The following GHR variants were observed in gnomAD, a reference collection of about 807,000 sequenced individuals.
GHR encodes the protein GH receptor.
GHR carries 35 observed loss-of-function variants against 67.1 expected under a neutral mutation model. The ratio of observed to expected loss-of-function variants is 0.52; its 90% CI spans 0.40 to 0.69. The LOEUF is 0.69. GHR is among the 30% of genes least tolerant of loss of function. The probability of loss-of-function intolerance (pLI) is 0.00; values close to 1 mark genes in which losing one functional copy is unlikely to be tolerated. For synonymous variants in GHR, 272 were observed against 269.1 expected (o/e 1.01, Z -0.10); for missense variants, 792 against 764.6 (o/e 1.04, Z -0.42).
At chr5:42,461,258 C>G (rs1398978317) in intron 1 of GHR, among the ~76,000 whole-genome samples, 2 of 152,204 alleles carry the variant, frequency 1.3e-5, no homozygotes, top group Admixed American at 6.5e-5. Context: ...CTGTTTACCA[C>G]AGTGGACCTT....
At chr5:42,600,288 A>G (rs1332234220) in intron 2 of GHR, among the ~76,000 whole-genome samples, 1 of 152,234 alleles carries the variant, frequency 6.6e-6, no homozygotes, top group African/African-American at 2.4e-5. Flanking sequence ...CACTAGGATC[A>G]ATATCTGTAA....
intron 1 of GHR, among the ~76,000 whole-genome samples, chr5:42,556,004 G>A (rs2112438340): frequency 6.6e-6 from 1 of 152,216 alleles, no homozygotes. Context: ...TCAGGTTACG[G>A]GATTGCTGAC....
intron 1 of GHR, among the ~76,000 whole-genome samples, chr5:42,563,799 C>CA (rs887722483): frequency 2.0e-5 from 3 of 152,014 alleles, no homozygotes; most frequent in East Asian, 1.9e-4. Context: ...CAGAGTGAAA[C>CA]AAAAAAAGAA....
intron 1 of GHR, among the ~76,000 whole-genome samples, chr5:42,534,588 C>T: frequency 6.6e-6 from 1 of 151,668 alleles, no homozygotes; most frequent in African/African-American, 2.4e-5. Context: ...GGGTTGGTTC[C>T]ATGATTTTTC....
At chr5:42,513,462 C>T (rs1335053903) in intron 1 of GHR, among the ~76,000 whole-genome samples, 1 of 152,148 alleles carries the variant, frequency 6.6e-6, no homozygotes, top group Non-Finnish European at 1.5e-5. Context: ...TTAAATATGT[C>T]ACATTGGTTA....
chr5:42,617,402 AC>A (rs1753214826), intron 2 of GHR, among the ~76,000 whole-genome samples: 1 of 151,694 alleles, frequency 6.6e-6, no homozygotes, highest in Non-Finnish European at 1.5e-5. Flanking sequence ...ACACACACAC[AC>A]ACACACACAC....
chr5:42,594,916 G>A (rs1229563654), intron 2 of GHR, among the ~76,000 whole-genome samples: 3 of 152,124 alleles, frequency 2.0e-5, no homozygotes, highest in African/African-American at 2.4e-5. Flanking sequence ...CATGAAGAAT[G>A]AGTGTGAAAG....
rs937839158 is a variant in GHR at position 42,494,079 on chromosome 5, G to A, written c.-12+70124G>A. ...GCTTGAGAGAATATAAGTCCCATAG[G>A]TTAGCATATACTTAATTCTACCTAT... On this transcript the variant is annotated intron_variant, in intron 1 of 9. Transcript: ENST00000230882. Among the ~76,000 whole-genome samples the A allele has an allele frequency of 3.9e-5, 6 of 152,078 alleles. No individual in the cohort carries two copies. In the South Asian group the frequency reaches 8.3e-4, roughly 21 times the overall value.
rs1758885262 is a variant in GHR, at chr5:42,719,127, C to T, written c.1620C>T (p.Ala540=). 4 of 1,613,834 alleles carry T rather than the reference C, an allele frequency of 2.5e-6. No individual in the cohort carries two copies. Among genetic ancestry groups the T allele is most frequent in the Non-Finnish European group, 3.4e-6 (4 of 1,179,858 alleles). The change falls in exon 10 of 10, where the codon GCC becomes GCT. Residue 540 remains alanine, a synonymous_variant. Coordinates refer to ENST00000230882, the MANE Select transcript of GHR (RefSeq NM_000163.5). ...ATGCCTACTTCTGTGAGGCAGATGC[C>T]AAAAAGTGCATCCCTGTGGCTCCTC... is the stretch of plus-strand genomic sequence containing the variant. ...MDNAYFCEAD[A]KKCIPVAPHI...
chr5:42,693,660 C>T (rs901467378), intron 4 of GHR, among the ~76,000 whole-genome samples: 1 of 152,138 alleles, frequency 6.6e-6, no homozygotes, highest in Non-Finnish European at 1.5e-5. Flanking sequence ...GCATCCTTTC[C>T]TTCCAGGCCC....
intron 1 of GHR, among the ~76,000 whole-genome samples, chr5:42,464,508 G>A (rs942651213): frequency 1.3e-5 from 2 of 152,202 alleles, no homozygotes; most frequent in African/African-American, 4.8e-5. Context: ...CTCAGAAAGA[G>A]AGTGGACCAA....
At chr5:42,530,785 T>G (rs1392637586) in intron 1 of GHR, among the ~76,000 whole-genome samples, 1 of 152,190 alleles carries the variant, frequency 6.6e-6, no homozygotes, top group Non-Finnish European at 1.5e-5. Flanking sequence ...GTTTTTTCAC[T>G]TCTTTCAATA....
intron 8 of GHR, among the ~76,000 whole-genome samples, chr5:42,716,113 T>C (rs1019273550): frequency 6.6e-6 from 1 of 152,032 alleles, no homozygotes; most frequent in Non-Finnish European, 1.5e-5. Flanking sequence ...ATTAGAATTA[T>C]GTTCCATCTT....
chr5:42,614,783 T>C (rs1753062317), intron 2 of GHR, among the ~76,000 whole-genome samples: 1 of 151,942 alleles, frequency 6.6e-6, no homozygotes, highest in South Asian at 2.1e-4. Context: ...CTGCCAAATC[T>C]TTTTACTCTG....
intron 9 of GHR, 119 bp from the exon 10 acceptor site, chr5:42,718,334 T>C (rs1758826464): frequency 2.5e-6 from 2 of 805,092 alleles, no homozygotes. Flanking sequence ...TGTTTTTTTA[T>C]ATGTTTTGTT....
chr5:42,620,791 G>A (rs1753403320), intron 2 of GHR, among the ~76,000 whole-genome samples: 1 of 152,148 alleles, frequency 6.6e-6, no homozygotes, highest in Non-Finnish European at 1.5e-5. Flanking sequence ...CTGAGCTCCA[G>A]ACTTAATTAA....
At chr5:42,616,720 A>G (rs9918288) in intron 2 of GHR, among the ~76,000 whole-genome samples, 2,140 of 151,988 alleles carry the variant, frequency 0.014, 40 homozygotes, top group African/African-American at 0.049. Flanking sequence ...AGAGTTTTGT[A>G]ACAGGACAAT....
At chr5:42,468,468 C>A (rs937549682) in intron 1 of GHR, 23 of 831,994 alleles carry the variant, frequency 2.8e-5, no homozygotes, top group Non-Finnish European at 3.8e-5. Flanking sequence ...AGCTGAGAGG[C>A]CCGACCAGAG....
intron 1 of GHR, among the ~76,000 whole-genome samples, chr5:42,563,460 CA>C (rs11353166): frequency 0.027 from 4,085 of 150,960 alleles, 189 homozygotes; most frequent in African/African-American, 0.094. Context: ...ACTAAAAATA[CA>C]AAAAAAATTA....
Sources: allele counts gnomAD v4.1 joint callset (sites outside exome capture counted in the v4.1 genomes callset), GRCh38; gene constraint gnomAD v4.1.1; transcripts MANE v1.5; gene names NCBI Gene and HGNC (gene_info 2026-07-23, HGNC 2026-07-21).